Variants in PDE4C observed in about 807,000 individuals in gnomAD.
The protein encoded by PDE4C is 3',5'-cyclic-AMP phosphodiesterase 4C.
A neutral mutation model predicts 63.9 loss-of-function variants in PDE4C; 50 were observed. The ratio of observed to expected loss-of-function variants is 0.78; its 90% CI spans 0.62 to 0.99. The LOEUF is 0.99. Among genes scored for constraint, PDE4C ranks in the 50% least tolerant of loss-of-function variants. The probability of loss-of-function intolerance (pLI) is 0.00; values close to 1 mark genes in which losing one functional copy is unlikely to be tolerated. For synonymous variants in PDE4C, 377 were observed against 385.1 expected, an observed-to-expected ratio of 0.98 and a Z score of 0.25; for missense variants, 777 against 899.1, an observed-to-expected ratio of 0.86 and a Z score of 1.74.
intron 1 of PDE4C, among the ~76,000 whole-genome samples, chr19:18,239,633 G>A (rs1051467273): frequency 3.3e-5 from 5 of 152,182 alleles, no homozygotes; most frequent in African/African-American, 9.7e-5. Context: ...CAAATGTGGA[G>A]ATGGGAGAGG....
chr19:18,229,980 T>A (rs764817780), upstream of PDE4C, among the ~76,000 whole-genome samples: 2 of 152,162 alleles, frequency 1.3e-5, no homozygotes, highest in African/African-American at 2.4e-5. Context: ...GGCCCTCACC[T>A]GAATGCTTGT....
chr19:18,239,094 A>C (rs1311507047), intron 1 of PDE4C, among the ~76,000 whole-genome samples: 1 of 152,208 alleles, frequency 6.6e-6, no homozygotes, highest in Non-Finnish European at 1.5e-5. Context: ...ACCCTGTATA[A>C]ATGCCGTTCC....
At chr19:18,248,298 G>C (rs574296813), upstream of PDE4C, 23 of 447,162 alleles carry the variant, frequency 5.1e-5, no homozygotes, top group African/African-American at 4.0e-4. Context: ...CCCCTTAACT[G>C]TCTGGGCACC....
intron 1 of PDE4C, among the ~76,000 whole-genome samples, chr19:18,246,644 C>G (rs1473258227): frequency 6.6e-6 from 1 of 152,052 alleles, no homozygotes; most frequent in Admixed American, 6.6e-5. Context: ...ACGCTGAGTT[C>G]TGGCCAGGTA....
intron 2 of PDE4C, among the ~76,000 whole-genome samples, chr19:18,221,745 C>T (rs1449101533): frequency 3.9e-4 from 59 of 152,132 alleles, no homozygotes. Context: ...GTGCCTCAGC[C>T]TCCTGAGTAG....
At chr19:18,222,431 A>C in intron 1 of PDE4C, 108 bp from the exon 2 acceptor site, 1 of 996,104 alleles carries the variant, frequency 1.0e-6, no homozygotes, top group Non-Finnish European at 1.5e-6. Context: ...GCAGTCAGGC[A>C]AGTGTGGTTT....
Position 18,233,107 on chromosome 19 carries a change from G to C in PDE4C, c.85C>G (p.Pro29Ala), listed in dbSNP as rs1311686793. The C allele has an allele frequency of 5.1e-6, 8 of 1,567,870 alleles. No homozygotes were observed. The highest frequency in any genetic ancestry group is 6.9e-6 in the Non-Finnish European group (8 of 1,156,710). Residue 29 changes from proline to alanine, a missense_variant, in exon 1 of 15, where the codon CCG (proline) becomes GCG (alanine). Transcript: ENST00000594465. ...CGGGGTTGCCGCCACAGGTGCTTCG[G>C]GGCTCTGGTCATGCTGTGGCGGCCG...
downstream of PDE4C, chr19:18,208,479 C>T (rs1568656602): frequency 6.6e-6 from 1 of 151,518 alleles, no homozygotes; most frequent in African/African-American, 2.4e-5. Context: ...GACCCACCCC[C>T]CAACCCCCGA....
upstream of PDE4C, chr19:18,250,009 A>G (rs1233449564): frequency 2.5e-6 from 1 of 397,952 alleles, no homozygotes; most frequent in Non-Finnish European, 4.4e-6. Context: ...ACACGAGTCC[A>G]TAACTCGTGT....
chr19:18,246,542 C>T (rs1969137799), intron 1 of PDE4C, among the ~76,000 whole-genome samples: 1 of 152,078 alleles, frequency 6.6e-6, no homozygotes, highest in African/African-American at 2.4e-5. Context: ...AACATTAAGG[C>T]ATATGCAGCT....
exon 1 of PDE4C, chr19:18,233,198 G>C (rs1244634523): frequency 7.7e-6 from 12 of 1,557,216 alleles, no homozygotes; most frequent in Non-Finnish European, 9.6e-6. Context: ...CCATGCGCCA[G>C]AGAAAGGGGT....
At chr19:18,249,054 G>A (rs1969191672), upstream of PDE4C, among the ~76,000 whole-genome samples, 4 of 149,592 alleles carry the variant, frequency 2.7e-5, no homozygotes, top group South Asian at 8.5e-4. Flanking sequence ...AGAATGGCTT[G>A]AACCCAGGAG....
At chr19:18,227,754 C>A (rs1303943140), upstream of PDE4C, among the ~76,000 whole-genome samples, 1 of 152,212 alleles carries the variant, frequency 6.6e-6, no homozygotes, top group Non-Finnish European at 1.5e-5. Context: ...TGTCTCTCAG[C>A]CTGGGCCTTC....
chr19:18,239,979 T>C (rs1390338338), intron 1 of PDE4C, among the ~76,000 whole-genome samples: 1 of 151,660 alleles, frequency 6.6e-6, no homozygotes, highest in East Asian at 2.0e-4. Flanking sequence ...TGGAAAGATC[T>C]GGGCAACAGA....
rs2148025835 is a variant in PDE4C, at chr19:18,220,762, G to A, written c.499+112C>T. On this transcript the variant is annotated intron_variant, in intron 5 of 14. Coordinates refer to ENST00000262805, the Ensembl canonical transcript of PDE4C. This position sits in a 1 kb window ranked among gnomAD's most constrained non-coding sequence, Gnocchi z 5.1. ...CCCGAGGGCGTTATTGTTTTTGCAG[G>A]GGCGGGGCTACAATTAGCCCCAGTA... 1.9e-6 allele frequency: 2 copies of A among 1,074,428 alleles called. No homozygotes were observed. The highest frequency in any genetic ancestry group is 2.8e-6 in the Non-Finnish European group (2 of 710,282). 66.6% of individuals were successfully genotyped at this position (1,074,428 alleles called of 1,614,324 possible). A position where few individuals can be genotyped will look rare whatever the true frequency, so the allele number is the denominator to read the frequency against.
chr19:18,219,073 A>G (rs1292754323), intron 8 of PDE4C, 35 bp from the exon 9 acceptor site: 2 of 1,592,450 alleles, frequency 1.3e-6, no homozygotes, highest in Non-Finnish European at 1.7e-6. Flanking sequence ...AATTAACCCC[A>G]GCCCAACTTC....
exon 15 of PDE4C, chr19:18,211,079 C>T (rs1468550850): frequency 6.2e-7 from 1 of 1,614,236 alleles, no homozygotes. Context: ...CCTCTGCCTC[C>T]TCCAGAGTCA....
intron 1 of PDE4C, among the ~76,000 whole-genome samples, chr19:18,223,452 C>T (rs1303875728): frequency 6.6e-6 from 1 of 152,076 alleles, no homozygotes; most frequent in Non-Finnish European, 1.5e-5. Flanking sequence ...TCAGGTGATC[C>T]GCCCGCCTTG....
chr19:18,234,658 A>C (rs1968920479), upstream of PDE4C, among the ~76,000 whole-genome samples: 1 of 152,144 alleles, frequency 6.6e-6, no homozygotes, highest in South Asian at 2.1e-4. Context: ...CTCTTGCTGC[A>C]TCAGATTTGA....
Sources: gnomAD v4.1 joint callset for allele counts (sites outside exome capture counted in the v4.1 genomes callset) on GRCh38, gnomAD v4.1.1 for gene constraint, Gnocchi (gnomAD v3.1) non-coding constraint, MANE v1.5 for transcripts, NCBI Gene and HGNC (gene_info 2026-07-23, HGNC 2026-07-21) for gene names.